The following ST7 variants were observed in gnomAD, a reference collection of about 807,000 sequenced individuals.
The protein encoded by ST7 is suppression of tumorigenicity 7.
Under a neutral mutation model 78.7 loss-of-function variants are expected in ST7, and 28 were observed. The ratio of observed to expected loss-of-function variants is 0.36; its 90% CI spans 0.26 to 0.49. The LOEUF is 0.49. Ranked by LOEUF, ST7 falls within the 20% of genes least tolerant of loss-of-function variation. The pLI, the probability that ST7 is intolerant of heterozygous loss-of-function variation, is 0.99. For synonymous variants in ST7, 247 were observed against 249.6 expected, an observed-to-expected ratio of 0.99 and a Z score of 0.10; for missense variants, 418 against 696.0, an observed-to-expected ratio of 0.60 and a Z score of 4.49.
intron 1 of ST7, among the ~76,000 whole-genome samples, chr7:117,066,490 G>A (rs1798636568): frequency 6.6e-6 from 1 of 152,076 alleles, no homozygotes; most frequent in African/African-American, 2.4e-5. Flanking sequence ...AGCCAGGCGT[G>A]GTGGCTAACG....
Position 117,213,741 on chromosome 7 carries a change from A to G in ST7, c.1405+3804A>G, listed in dbSNP as rs114934110. On this transcript the variant is annotated intron_variant, in intron 13 of 15. Coordinates refer to ENST00000323984, the MANE Select transcript of ST7 (RefSeq NM_001369598.1). ...TCACTGTCCCAGCCCCTGAAATTAC[A>G]CAATACGTTCCTCAAAGTCAAGATA... Among the ~76,000 whole-genome samples the G allele has an allele frequency of 3.9e-3, 595 of 152,312 alleles. 6 individuals are homozygous for G. Among genetic ancestry groups the G allele is most frequent in the African/African-American group, 0.013 (533 of 41,568 alleles).
intron 9 of ST7, among the ~76,000 whole-genome samples, chr7:117,143,158 C>G (rs913329457): frequency 5.9e-5 from 9 of 152,098 alleles, no homozygotes. Context: ...ATGCATGCTT[C>G]GAGATCATTG....
chr7:117,140,623 T>A (rs1254949935), intron 9 of ST7, among the ~76,000 whole-genome samples: 1 of 152,170 alleles, frequency 6.6e-6, no homozygotes, highest in Non-Finnish European at 1.5e-5. Context: ...AGTTAATTTC[T>A]CTCTTCCTCT....
intron 1 of ST7, among the ~76,000 whole-genome samples, chr7:117,018,816 C>T (rs953762352): frequency 6.6e-6 from 1 of 152,172 alleles, no homozygotes; most frequent in African/African-American, 2.4e-5. Flanking sequence ...TAAATATTAG[C>T]TATTGTTATT....
intron 1 of ST7, among the ~76,000 whole-genome samples, chr7:117,061,155 C>T (rs1268025103): frequency 6.6e-6 from 1 of 152,100 alleles, no homozygotes; most frequent in East Asian, 1.9e-4. Context: ...ATTTTAAACA[C>T]AATTAAAAGG....
chr7:117,082,339 C>T (rs1457625058), intron 1 of ST7, among the ~76,000 whole-genome samples: 1 of 152,152 alleles, frequency 6.6e-6, no homozygotes, highest in Non-Finnish European at 1.5e-5. Context: ...ATGATAAAAA[C>T]CAGAAATACC....
chr7:117,127,488 T>C (rs1803949529), intron 3 of ST7, among the ~76,000 whole-genome samples: 1 of 151,956 alleles, frequency 6.6e-6, no homozygotes, highest in Non-Finnish European at 1.5e-5. Flanking sequence ...CTAGGTTGCT[T>C]GTTTCTTAAA....
At chr7:117,199,770 T>C (rs1810645821) in intron 12 of ST7, among the ~76,000 whole-genome samples, 1 of 152,234 alleles carries the variant, frequency 6.6e-6, no homozygotes, top group Non-Finnish European at 1.5e-5. Flanking sequence ...CGTGCCCCTA[T>C]GAGGCAGGCA....
At chr7:116,976,059 G>A (rs1485677503) in intron 1 of ST7, among the ~76,000 whole-genome samples, 2 of 151,910 alleles carry the variant, frequency 1.3e-5, no homozygotes, top group Non-Finnish European at 2.9e-5. Flanking sequence ...TCAGGAGTTC[G>A]AGACCAGCCT....
At chr7:117,148,806 T>G (rs1308536507) in intron 9 of ST7, among the ~76,000 whole-genome samples, 1 of 152,202 alleles carries the variant, frequency 6.6e-6, no homozygotes, top group Non-Finnish European at 1.5e-5. Flanking sequence ...GAACAGCTTT[T>G]CCTTCTGTGA....
intron 11 of ST7, 62 bp downstream of exon 11, chr7:117,189,455 G>C: frequency 7.3e-7 from 1 of 1,363,976 alleles, no homozygotes; most frequent in Non-Finnish European, 1.0e-6. Context: ...TGTTGCCTCT[G>C]AGGGCTTTCT....
At chr7:117,067,951 C>T (rs1039008731) in intron 1 of ST7, among the ~76,000 whole-genome samples, 4 of 152,198 alleles carry the variant, frequency 2.6e-5, no homozygotes, top group Admixed American at 2.0e-4. Flanking sequence ...GGAGAAATTT[C>T]ATGAAGCTGG....
At chr7:117,171,622 A>G (rs1034978396) in intron 10 of ST7, among the ~76,000 whole-genome samples, 11 of 151,456 alleles carry the variant, frequency 7.3e-5, no homozygotes, top group African/African-American at 2.7e-4. Flanking sequence ...CACATCCTAG[A>G]TATTTTAAAA....
At position 117,121,902 on chromosome 7, in the gene ST7, C is replaced by T. The variant is rs983849047; in HGVS notation, c.394+2182C>T. 1.0e-4 allele frequency among the ~76,000 whole-genome samples: 13 copies of T among 130,456 alleles called. 1 individual carries two copies. The highest frequency in any genetic ancestry group is 2.6e-4 in the African/African-American group (10 of 38,000). The allele number at this position is 130,456 out of a possible 152,430, so 85.6% of individuals were successfully genotyped here. ...ACCTGTTTTATAAGAGGAGAAAGTA[C>T]AGGCCTTGCATGCACTCATGCATTG... On this transcript the variant is annotated intron_variant, in intron 3 of 15. Transcript: ENST00000323984.
intron 1 of ST7, among the ~76,000 whole-genome samples, chr7:117,090,060 T>C (rs1212819243): frequency 6.6e-6 from 1 of 152,192 alleles, no homozygotes; most frequent in African/African-American, 2.4e-5. Context: ...TCTGGTTTAA[T>C]AGGATAAAAC....
At chr7:116,972,887 C>G in intron 1 of ST7, 3 of 1,320,092 alleles carry the variant, frequency 2.3e-6, no homozygotes, top group Non-Finnish European at 3.2e-6. Context: ...CCCTTAACCG[C>G]CTCGATGGTG....
intron 1 of ST7, among the ~76,000 whole-genome samples, chr7:117,060,732 G>A (rs375624441): frequency 6.6e-6 from 1 of 152,228 alleles, no homozygotes; most frequent in Non-Finnish European, 1.5e-5. Flanking sequence ...CTGGCCAGGC[G>A]TAGTGGCTTA....
chr7:117,188,506 G>A (rs1325300714), intron 10 of ST7, among the ~76,000 whole-genome samples: 1 of 152,166 alleles, frequency 6.6e-6, no homozygotes, highest in African/African-American at 2.4e-5. Context: ...ACCCAAAGGG[G>A]TGCCCTCTTT....
intron 12 of ST7, among the ~76,000 whole-genome samples, chr7:117,202,548 C>G (rs940243340): frequency 1.3e-5 from 2 of 152,190 alleles, no homozygotes; most frequent in Non-Finnish European, 2.9e-5. Context: ...TTCCCTCACT[C>G]TCACATTTAG....
Sources: gnomAD v4.1 joint callset for allele counts (sites outside exome capture counted in the v4.1 genomes callset) on GRCh38, gnomAD v4.1.1 for gene constraint, MANE v1.5 for transcripts, NCBI Gene and HGNC (gene_info 2026-07-23, HGNC 2026-07-21) for gene names.